DOCK4: variants seen among roughly 807,000 people sequenced by gnomAD.
The protein encoded by DOCK4 is dedicator of cytokinesis 4.
Under a neutral mutation model 268.1 loss-of-function variants are expected in DOCK4, and 97 were observed. The observed-to-expected ratio is 0.36, with a 90% confidence interval of 0.31 to 0.43. The LOEUF (loss-of-function observed/expected upper bound fraction) is 0.43, where lower values mean the gene tolerates loss of function less well. DOCK4 is among the 20% of genes least tolerant of loss of function. DOCK4 has a pLI of 1.00. For synonymous variants in DOCK4, 954 were observed against 887.2 expected (o/e 1.08, Z -1.34); for missense variants, 2,145 against 2,455.7 (o/e 0.87, Z 2.67).
At chr7:112,133,696 G>A (rs906093557) in intron 1 of DOCK4, among the ~76,000 whole-genome samples, 3 of 152,020 alleles carry the variant, frequency 2.0e-5, no homozygotes, top group Non-Finnish European at 4.4e-5. Flanking sequence ...CTCTAGTCTG[G>A]GTGCCAAAGT....
At chr7:111,946,804 A>G (rs915808460) in intron 8 of DOCK4, among the ~76,000 whole-genome samples, 1 of 152,022 alleles carries the variant, frequency 6.6e-6, no homozygotes, top group Non-Finnish European at 1.5e-5. Context: ...CTGGTCTCGA[A>G]CTCCTGGCCT....
chr7:111,939,983 G>C, intron 11 of DOCK4, 127 bp downstream of exon 11: 1 of 942,602 alleles, frequency 1.1e-6, no homozygotes, highest in East Asian at 2.6e-5. Flanking sequence ...AGATTACTGG[G>C]TTTTTGAGGA....
At chr7:111,849,717 G>A (rs1452500134) in intron 23 of DOCK4, among the ~76,000 whole-genome samples, 3 of 152,128 alleles carry the variant, frequency 2.0e-5, no homozygotes, top group Non-Finnish European at 2.9e-5. Context: ...CTGCAGGATG[G>A]GGAAGCTAGG....
chr7:112,200,068 A>G (rs1820780479), intron 1 of DOCK4, among the ~76,000 whole-genome samples: 1 of 152,232 alleles, frequency 6.6e-6, no homozygotes, highest in Non-Finnish European at 1.5e-5. Flanking sequence ...CTCCTTGCCA[A>G]TGTCATGAAA....
rs1239917026 is a variant in DOCK4 at position 111,915,921 on chromosome 7, A to G, written c.1067-17T>C. The stretch of plus-strand genomic sequence containing the variant: ...CTGCTAAACCTAAAACAGATGAGAG[A>G]TACCCGAGTTAAAAACAGAATAGAA... On this transcript the variant is annotated splice_polypyrimidine_tract_variant and intron_variant, in intron 12 of 52. Coordinates refer to ENST00000428084, the MANE Select transcript of DOCK4 (RefSeq NM_001363540.2). 6.2e-7 allele frequency: 1 copy of G among 1,606,178 alleles called. No homozygotes were observed. The highest frequency in any genetic ancestry group is 1.7e-5 in the Admixed American group (1 of 58,838).
At chr7:111,754,664 G>C (rs1451648347) in intron 42 of DOCK4, among the ~76,000 whole-genome samples, 2 of 152,246 alleles carry the variant, frequency 1.3e-5, no homozygotes, top group Non-Finnish European at 2.9e-5. Flanking sequence ...CTGACATCGA[G>C]GTGCTGTCGC....
At chr7:112,049,546 C>T (rs1288824164) in intron 1 of DOCK4, among the ~76,000 whole-genome samples, 1 of 152,046 alleles carries the variant, frequency 6.6e-6, no homozygotes, top group Non-Finnish European at 1.5e-5. Flanking sequence ...CATCAATGAT[C>T]ACATTAAATG....
At chr7:111,994,990 T>G (rs1272968540) in intron 4 of DOCK4, among the ~76,000 whole-genome samples, 1 of 151,808 alleles carries the variant, frequency 6.6e-6, no homozygotes, top group African/African-American at 2.4e-5. Context: ...GTCCTGAAGT[T>G]GAGAATATGC....
At chr7:111,892,812 A>C (rs1424343905) in intron 16 of DOCK4, among the ~76,000 whole-genome samples, 2 of 152,208 alleles carry the variant, frequency 1.3e-5, no homozygotes, top group African/African-American at 2.4e-5. Context: ...CTGAAACTGA[A>C]TTTGTTGGCT....
chr7:112,197,641 A>C (rs1432759035), intron 1 of DOCK4, among the ~76,000 whole-genome samples: 1 of 152,182 alleles, frequency 6.6e-6, no homozygotes, highest in African/African-American at 2.4e-5. Context: ...AATCCTTTGT[A>C]CCCATATTAA....
In DOCK4 at chr7:111,726,230, C is replaced by T. The variant is rs1436422188; in HGVS notation, c.*2044G>A. ...TGTAGCTGCTTCAGAAATACACACA[C>T]ATGATAAATTCAAGATAAATTCAAC... On this transcript the variant is annotated 3_prime_UTR_variant, in exon 53 of 53. Transcript: ENST00000428084. 6.6e-6 allele frequency: 1 copy of T among 152,580 alleles called. No homozygotes were observed. The highest frequency in any genetic ancestry group is 1.5e-5 in the Non-Finnish European group (1 of 68,028). 9.5% of individuals were successfully genotyped at this position (152,580 alleles called of 1,614,324 possible).
chr7:112,077,168 A>G (rs1256774404), intron 1 of DOCK4, among the ~76,000 whole-genome samples: 2 of 152,110 alleles, frequency 1.3e-5, no homozygotes, highest in Non-Finnish European at 2.9e-5. Context: ...ACACTTTTCT[A>G]ATAAAAGTAA....
chr7:112,055,792 C>T (rs895140375), intron 1 of DOCK4, among the ~76,000 whole-genome samples: 9 of 151,676 alleles, frequency 5.9e-5, no homozygotes, highest in Admixed American at 2.0e-4. Context: ...CCTGTAAACC[C>T]AGCTACTCAG....
chr7:111,830,445 C>CA (rs386411015), intron 26 of DOCK4, among the ~76,000 whole-genome samples: 5 of 151,276 alleles, frequency 3.3e-5, no homozygotes, highest in South Asian at 2.1e-4. Context: ...CAAAACAAAA[C>CA]AAAAAAAACA....
intron 37 of DOCK4, among the ~76,000 whole-genome samples, chr7:111,768,574 C>T (rs1385768587): frequency 1.3e-5 from 2 of 150,892 alleles, no homozygotes; most frequent in South Asian, 2.1e-4. Flanking sequence ...TAAACAATGG[C>T]GGTCAGATTC....
intron 1 of DOCK4, among the ~76,000 whole-genome samples, chr7:112,138,051 A>T (rs892631483): frequency 1.3e-5 from 2 of 152,202 alleles, no homozygotes; most frequent in African/African-American, 4.8e-5. Context: ...CCCATATGAC[A>T]TACTTGCTAA....
chr7:111,830,626 A>C (rs1468845409), intron 26 of DOCK4, among the ~76,000 whole-genome samples: 1 of 151,872 alleles, frequency 6.6e-6, no homozygotes, highest in Non-Finnish European at 1.5e-5. Flanking sequence ...GGAAGTTAGT[A>C]CCTCTTTCTT....
At chr7:111,869,310 G>A in intron 21 of DOCK4, 1 of 412,294 alleles carries the variant, frequency 2.4e-6, no homozygotes, top group East Asian at 5.1e-5. Flanking sequence ...CCTCTCTCCT[G>A]CTCATCTTAG....
At chr7:111,825,577 A>C (rs1013327844) in intron 26 of DOCK4, among the ~76,000 whole-genome samples, 1 of 152,222 alleles carries the variant, frequency 6.6e-6, no homozygotes, top group Non-Finnish European at 1.5e-5. Context: ...CTTGGACAGC[A>C]CAAAGAAATA....
Sources: gnomAD v4.1 joint callset for allele counts (sites outside exome capture counted in the v4.1 genomes callset) on GRCh38, gnomAD v4.1.1 for gene constraint, MANE v1.5 for transcripts, NCBI Gene and HGNC (gene_info 2026-07-23, HGNC 2026-07-21) for gene names.